Variants in USP34 observed in about 807,000 individuals in gnomAD.
USP34 encodes the protein ubiquitin carboxyl-terminal hydrolase 34.
Under a neutral mutation model 460.3 loss-of-function variants are expected in USP34, and 70 were observed. The ratio of observed to expected loss-of-function variants is 0.15; its 90% confidence interval spans 0.13 to 0.19. The LOEUF is 0.19. Among genes scored for constraint, USP34 ranks in the 10% least tolerant of loss-of-function variants. The probability of loss-of-function intolerance (pLI) is 1.00; values close to 1 mark genes in which losing one functional copy is unlikely to be tolerated. For synonymous variants in USP34, 1,647 were observed against 1,405.3 expected, an observed-to-expected ratio of 1.17 and a Z score of -3.85; for missense variants, 3,985 against 4,236.2, an observed-to-expected ratio of 0.94 and a Z score of 1.65.
intron 18 of USP34, among the ~76,000 whole-genome samples, chr2:61,337,748 G>A (rs978636017): frequency 2.1e-4 from 32 of 152,214 alleles, no homozygotes; most frequent in African/African-American, 7.2e-4. Flanking sequence ...TAGCTACTGC[G>A]CCCGGCCTAG....
At chr2:61,416,821 T>TTTGGGGG in intron 2 of USP34, 2 of 215,908 alleles carry the variant, frequency 9.3e-6, no homozygotes, top group Non-Finnish European at 8.3e-6. Context: ...TTTTTTTTTT[T>TTTGGGGG]GGGGGGGGGG....
chr2:61,414,593 G>A (rs1017976894), intron 2 of USP34, among the ~76,000 whole-genome samples: 2 of 152,216 alleles, frequency 1.3e-5, no homozygotes, highest in Non-Finnish European at 2.9e-5. Context: ...GTTACCAGTG[G>A]AGGCGCCCAG....
chr2:61,264,573 C>T (rs1045922609), intron 43 of USP34, among the ~76,000 whole-genome samples: 1 of 151,980 alleles, frequency 6.6e-6, no homozygotes, highest in Non-Finnish European at 1.5e-5. Flanking sequence ...CCCAGGAGGT[C>T]AACACTGCAG....
At chr2:61,406,687 A>C (rs553683242) in intron 2 of USP34, among the ~76,000 whole-genome samples, 1 of 144,096 alleles carries the variant, frequency 6.9e-6, no homozygotes, top group Admixed American at 7.5e-5. Context: ...CTGTAAAAAA[A>C]AATATATGTG....
intron 7 of USP34, among the ~76,000 whole-genome samples, chr2:61,379,783 T>C (rs1322371795): frequency 1.3e-5 from 2 of 152,382 alleles, no homozygotes; most frequent in Admixed American, 1.3e-4. Context: ...AACAAACATT[T>C]AGTAAAATTT....
At chr2:61,380,108 G>A (rs1181460678) in intron 7 of USP34, 61 bp downstream of exon 7, 13 of 1,468,526 alleles carry the variant, frequency 8.9e-6, no homozygotes, top group Admixed American at 1.9e-5. Context: ...ATAGTGGGTA[G>A]TATTATGATA....
intron 31 of USP34, 49 bp from the exon 32 acceptor site, chr2:61,295,081 A>G (rs1689985054): frequency 6.2e-7 from 1 of 1,602,182 alleles, no homozygotes; most frequent in African/African-American, 1.3e-5. Context: ...AGAAAGAATT[A>G]TTATAGAATG....
At chr2:61,196,385 C>A (rs950814772) in intron 75 of USP34, among the ~76,000 whole-genome samples, 1 of 151,702 alleles carries the variant, frequency 6.6e-6, no homozygotes, top group Non-Finnish European at 1.5e-5. Context: ...CCACCGCGCC[C>A]GGCCAATTTC....
chr2:61,192,111 G>A (rs536347059), intron 76 of USP34, among the ~76,000 whole-genome samples: 3 of 152,326 alleles, frequency 2.0e-5, no homozygotes, highest in African/African-American at 7.2e-5. Context: ...CCTGGTAGGA[G>A]GCTGAACCAG....
intron 49 of USP34, among the ~76,000 whole-genome samples, chr2:61,248,090 G>A (rs551435827): frequency 4.6e-5 from 7 of 150,652 alleles, no homozygotes; most frequent in East Asian, 2.0e-4. Flanking sequence ...GGGAGGCTGA[G>A]GCACAAGAAC....
At chr2:61,433,363 G>A in intron 1 of USP34, among the ~76,000 whole-genome samples, 1 of 152,210 alleles carries the variant, frequency 6.6e-6, no homozygotes, top group East Asian at 1.9e-4. Context: ...GCCAGGTGCG[G>A]TGGCTCATGC....
intron 29 of USP34, among the ~76,000 whole-genome samples, chr2:61,298,381 A>AAAAC (rs1690103086): frequency 6.9e-6 from 1 of 145,058 alleles, no homozygotes; most frequent in African/African-American, 2.6e-5. Flanking sequence ...AAAAAAAAAA[A>AAAAC]AAAAAAACTA....
chr2:61,241,928 G>A (rs904145115), intron 51 of USP34, 109 bp from the exon 52 acceptor site: 4 of 609,484 alleles, frequency 6.6e-6, no homozygotes, highest in South Asian at 5.7e-5. Flanking sequence ...TAGTAACTTT[G>A]TAAGTAGTTT....
At chr2:61,278,010 A>T in intron 41 of USP34, 155 bp downstream of exon 41, 1 of 991,656 alleles carries the variant, frequency 1.0e-6, no homozygotes, top group Non-Finnish European at 1.4e-6. Context: ...CCCCAGCCAC[A>T]TGGAACTCTG....
chr2:61,333,806 G>T, intron 19 of USP34, 76 bp downstream of exon 19: 2 of 1,002,210 alleles, frequency 2.0e-6, no homozygotes, highest in Admixed American at 3.4e-5. Context: ...AAGCTTGTAG[G>T]TTAGTCAAAA....
intron 18 of USP34, 94 bp downstream of exon 18, chr2:61,339,257 A>G (rs1572948003): frequency 8.1e-7 from 1 of 1,239,068 alleles, no homozygotes; most frequent in Non-Finnish European, 1.1e-6. Flanking sequence ...GGTATATGAA[A>G]CAGTATAAAA....
intron 41 of USP34, among the ~76,000 whole-genome samples, chr2:61,267,125 C>T (rs62152270): frequency 1.5e-4 from 23 of 152,046 alleles, no homozygotes; most frequent in Non-Finnish European, 3.2e-4. Flanking sequence ...TGGAAGACAA[C>T]CCTTGGTTAA....
At position 61,288,809 on chromosome 2, in the gene USP34, C is replaced by T. The variant is rs1689765861; in HGVS notation, c.4617G>A (p.Leu1539=). 1 of 1,613,886 alleles carries T rather than the reference C, an allele frequency of 6.2e-7. No individual in the cohort carries two copies. Among genetic ancestry groups the T allele is most frequent in the Non-Finnish European group, 8.5e-7 (1 of 1,179,954 alleles). The part of the protein sequence containing the change: ...ICQFAVDPSD[L]DLAYHDVFAW... ...CAAAGACATCATGATAAGCTAAATC[C>T]AAATCGGATGGATCTACTGCAAACT... Residue 1539 remains leucine (L), a synonymous_variant, in exon 34 of 80, where the codon TTG becomes TTA. Coordinates refer to ENST00000398571, the MANE Select transcript of USP34 (RefSeq NM_014709.4).
Position 61,235,595 on chromosome 2 carries a change from G to C in USP34, c.7032+250C>G, listed in dbSNP as rs553171812. Among the ~76,000 whole-genome samples, 395 of 151,826 alleles carry C rather than the reference G, an allele frequency of 2.6e-3. 3 individuals carry two copies. The highest frequency in any genetic ancestry group is 8.6e-3 in the African/African-American group (355 of 41,422). On this transcript the variant is annotated intron_variant, in intron 57 of 79. Coordinates refer to ENST00000398571, the MANE Select transcript of USP34 (RefSeq NM_014709.4). The stretch of plus-strand genomic sequence containing the variant: ...CACCTTAGCTTCCTAAGGTGCTGGG[G>C]TTACAGGCGTGAGCCACCACACCTG...
Sources: allele counts gnomAD v4.1 joint callset (sites outside exome capture counted in the v4.1 genomes callset), GRCh38; gene constraint gnomAD v4.1.1; transcripts MANE v1.5; gene names NCBI Gene and HGNC (gene_info 2026-07-23, HGNC 2026-07-21).